GABRG3: variants seen among roughly 807,000 people sequenced by gnomAD.
GABRG3 encodes gamma-aminobutyric acid receptor subunit gamma-3.
Under a neutral mutation model 48.8 loss-of-function variants are expected in GABRG3, and 25 were observed. The ratio of observed to expected loss-of-function variants is 0.51; its 90% CI spans 0.37 to 0.72. The LOEUF (loss-of-function observed/expected upper bound fraction) is 0.72, where lower values mean the gene tolerates loss of function less well. Among genes scored for constraint, GABRG3 ranks in the 30% least tolerant of loss-of-function variants. GABRG3 has a pLI of 0.00. For synonymous variants in GABRG3, 227 were observed against 217.6 expected (o/e 1.04, Z -0.38); for missense variants, 394 against 577.9 (o/e 0.68, Z 3.26).
Position 27,457,223 on chromosome 15 carries a change from G to C in GABRG3, c.575-23427G>C, listed in dbSNP as rs1471314914. On this transcript the variant is annotated intron_variant, in intron 5 of 9. Coordinates refer to ENST00000615808, the MANE Select transcript of GABRG3 (RefSeq NM_033223.5). The surrounding 1 kb of genome is among the most constrained non-coding windows in gnomAD (Gnocchi z 4.4). ...AGGCTGCAAGAACTGCCCACGCTCC[G>C]ACAGATGTACAGTGCAGGGCCGGCG... Among the ~76,000 whole-genome samples, 1 of 152,182 alleles carries C rather than the reference G, an allele frequency of 6.6e-6. No homozygotes were observed. The highest frequency in any genetic ancestry group is 1.5e-5 in the Non-Finnish European group (1 of 68,036).
At chr15:27,216,740 T>TTTTTTA (rs59341702) in intron 3 of GABRG3, among the ~76,000 whole-genome samples, 30,734 of 125,636 alleles carry the variant, frequency 0.24, 3,335 homozygotes, top group South Asian at 0.38. Context: ...TTTCTTTTTT[T>TTTTTTA]TTTTTTATTT....
Position 27,319,961 on chromosome 15 carries a change from CTG to C in GABRG3, c.271-6847_271-6846del, listed in dbSNP as rs1344487760. On this transcript the variant is annotated intron_variant, in intron 3 of 9. Transcript: ENST00000615808. The surrounding 1 kb of genome is among the most constrained non-coding windows in gnomAD (Gnocchi z 4.4). ...GAGGATTTCTACACAAGAAAGGAAACTGAGAAAAGGCAGGATGTCTATAGCAA... is the reference window on the plus strand; with the variant it reads ...GAGGATTTCTACACAAGAAAGGAAACAGAAAAGGCAGGATGTCTATAGCAA... Among the ~76,000 whole-genome samples, 1 of 152,082 alleles carries C rather than the reference CTG, an allele frequency of 6.6e-6. No individual in the cohort carries two copies. The highest frequency in any genetic ancestry group is 2.4e-5 in the African/African-American group (1 of 41,404).
intron 3 of GABRG3, among the ~76,000 whole-genome samples, chr15:27,276,076 G>A (rs1349546123): frequency 2.6e-4 from 40 of 152,184 alleles, no homozygotes; most frequent in Admixed American, 2.6e-3. Context: ...AGCAAAGGCT[G>A]TTCATTCAGA....
At chr15:27,192,279 T>C (rs1390105950) in intron 3 of GABRG3, among the ~76,000 whole-genome samples, 1 of 152,200 alleles carries the variant, frequency 6.6e-6, no homozygotes, top group Admixed American at 6.5e-5. Context: ...CCTGCCTTGC[T>C]AGATTGGGGA....
At chr15:27,104,178 G>A (rs118180091) in intron 3 of GABRG3, among the ~76,000 whole-genome samples, 3,001 of 152,272 alleles carry the variant, frequency 0.02, 49 homozygotes, top group East Asian at 0.028. Context: ...AAAAATATTA[G>A]CTTCTGTTTT....
chr15:27,199,865 T>A (rs1231812356), intron 3 of GABRG3, among the ~76,000 whole-genome samples: 1 of 152,010 alleles, frequency 6.6e-6, no homozygotes, highest in Non-Finnish European at 1.5e-5. Flanking sequence ...TGTTTTGTCT[T>A]TTTTTTTCTT....
intron 3 of GABRG3, among the ~76,000 whole-genome samples, chr15:27,106,579 G>A (rs1429001043): frequency 1.3e-5 from 2 of 151,854 alleles, no homozygotes; most frequent in Non-Finnish European, 2.9e-5. Context: ...CAGTACTAAA[G>A]AGCAGAAACT....
intron 3 of GABRG3, among the ~76,000 whole-genome samples, chr15:27,257,475 T>C (rs573736411): frequency 6.6e-6 from 1 of 150,992 alleles, no homozygotes; most frequent in African/African-American, 2.5e-5. Context: ...TGGAGCTTTT[T>C]CCCTGTTTTC....
At chr15:27,062,036 A>G (rs1896655552) in intron 3 of GABRG3, among the ~76,000 whole-genome samples, 1 of 152,052 alleles carries the variant, frequency 6.6e-6, no homozygotes, top group Admixed American at 6.5e-5. Flanking sequence ...GTGCTACAGA[A>G]TCTCTCTCAT....
intron 6 of GABRG3, among the ~76,000 whole-genome samples, chr15:27,503,843 T>A (rs1890700432): frequency 1.3e-5 from 2 of 152,228 alleles, no homozygotes; most frequent in Admixed American, 6.5e-5. Context: ...TTTCATGAAT[T>A]TGGAAGCTCT....
At chr15:27,367,128 T>C (rs537295729) in intron 5 of GABRG3, among the ~76,000 whole-genome samples, 5 of 152,288 alleles carry the variant, frequency 3.3e-5, no homozygotes, top group African/African-American at 1.2e-4. Context: ...CCCACTGCCC[T>C]GGGATTCCTT....
rs181750378 is a variant in GABRG3 at position 27,014,992 on chromosome 15, G to T, written c.203-11762G>T. Among the ~76,000 whole-genome samples the T allele has an allele frequency of 1.1e-4, 17 of 152,274 alleles. No individual in the cohort carries two copies. The East Asian group carries it at 3.1e-3, about 28-fold the overall frequency. On this transcript the variant is annotated intron_variant, in intron 2 of 9. Coordinates refer to ENST00000615808, the MANE Select transcript of GABRG3 (RefSeq NM_033223.5). ...CTTATGGTTGTTATGTCTTTCTTGTGAATGGACCCTTTTATTACTGAATAA... is the reference window on the plus strand; with the variant it reads ...CTTATGGTTGTTATGTCTTTCTTGTTAATGGACCCTTTTATTACTGAATAA...
rs1891537776 is a variant in GABRG3 at position 27,535,967 on chromosome 15, GCAT to G, written c.*3087_*3089del. On this transcript the variant is annotated 3_prime_UTR_variant, in exon 10 of 10. Transcript: ENST00000615808. ...ACACAGCTAAGCCCCAGCTTGCTTT[GCAT>G]GCAGAATTGGGAAATATTTGGGGTG... 1 of 152,266 alleles carries G rather than the reference GCAT, an allele frequency of 6.6e-6. No individual in the cohort carries two copies. Among genetic ancestry groups the G allele is most frequent in the African/African-American group, 2.4e-5 (1 of 41,452 alleles). The allele number at this position is 152,266 out of a possible 1,614,324, so 9.4% of individuals were successfully genotyped here.
chr15:27,385,298 C>T (rs1031037041), intron 5 of GABRG3, among the ~76,000 whole-genome samples: 8 of 41,118 alleles, frequency 1.9e-4, no homozygotes, highest in African/African-American at 6.8e-4. Context: ...TCATAGACTA[C>T]GTTTTTGTCT....
At chr15:27,420,204 T>C (rs1320742586) in intron 5 of GABRG3, among the ~76,000 whole-genome samples, 7 of 152,222 alleles carry the variant, frequency 4.6e-5, no homozygotes, top group Non-Finnish European at 1.0e-4. Context: ...TTCAGTTAGA[T>C]TTCTCAAACA....
chr15:27,060,940 A>T (rs1233501835), intron 3 of GABRG3, among the ~76,000 whole-genome samples: 1 of 152,138 alleles, frequency 6.6e-6, no homozygotes, highest in Non-Finnish European at 1.5e-5. Context: ...TTTTGGAATC[A>T]CTAAATGCCA....
intron 3 of GABRG3, among the ~76,000 whole-genome samples, chr15:27,103,195 G>T (rs1320178583): frequency 6.6e-6 from 1 of 152,194 alleles, no homozygotes; most frequent in African/African-American, 2.4e-5. Context: ...TTCTGGGCCT[G>T]CCCAGAAACC....
chr15:26,994,194 A>G (rs72715918), intron 2 of GABRG3, among the ~76,000 whole-genome samples: 11,345 of 151,604 alleles, frequency 0.075, 520 homozygotes, highest in Middle Eastern at 0.18. Flanking sequence ...AGTTTAGTCC[A>G]TTTACATTCA....
chr15:27,276,404 C>T (rs2140476793), intron 3 of GABRG3, among the ~76,000 whole-genome samples: 1 of 152,256 alleles, frequency 6.6e-6, no homozygotes, highest in South Asian at 2.1e-4. Context: ...GCAGAGGTTT[C>T]CCAGGCTGTT....
Sources: allele counts gnomAD v4.1 joint callset (sites outside exome capture counted in the v4.1 genomes callset), GRCh38; gene constraint gnomAD v4.1.1; non-coding constraint Gnocchi (gnomAD v3.1); transcripts MANE v1.5; gene names NCBI Gene and HGNC (gene_info 2026-07-23, HGNC 2026-07-21).